Variants in TMCC1 observed in about 807,000 individuals in gnomAD.
TMCC1 encodes the protein transmembrane and coiled-coil domain family 1.
Under a neutral mutation model 52.4 loss-of-function variants are expected in TMCC1, and 15 were observed. The ratio of observed to expected loss-of-function variants is 0.29; its 90% CI spans 0.19 to 0.44. The LOEUF is 0.44. TMCC1 is among the 20% of genes least tolerant of loss of function. TMCC1 has a pLI of 1.00. For synonymous variants in TMCC1, 279 were observed against 301.9 expected (o/e 0.92, Z 0.79); for missense variants, 503 against 806.0 (o/e 0.62, Z 4.55).
chr3:129,688,465 G>A (rs773652180), intron 4 of TMCC1: 20 of 985,342 alleles, frequency 2.0e-5, no homozygotes, highest in Admixed American at 6.2e-5. Flanking sequence ...TGGATCCCTG[G>A]GCTTCTCACC....
intron 5 of TMCC1, among the ~76,000 whole-genome samples, chr3:129,664,826 G>A (rs1434427900): frequency 6.6e-6 from 1 of 152,114 alleles, no homozygotes; most frequent in Non-Finnish European, 1.5e-5. Context: ...CTCACTACAG[G>A]AACAAAACTA....
intron 2 of TMCC1, among the ~76,000 whole-genome samples, chr3:129,867,997 T>C (rs1358970654): frequency 6.6e-6 from 1 of 152,212 alleles, no homozygotes; most frequent in Non-Finnish European, 1.5e-5. Context: ...GTACCCATTC[T>C]TGTACATCAA....
At chr3:129,662,428 A>G (rs904374081) in intron 5 of TMCC1, among the ~76,000 whole-genome samples, 1 of 152,208 alleles carries the variant, frequency 6.6e-6, no homozygotes, top group Non-Finnish European at 1.5e-5. Flanking sequence ...GACAGCTGTA[A>G]TACAATAGTG....
At chr3:129,831,209 C>G (rs1177380977) in intron 3 of TMCC1, among the ~76,000 whole-genome samples, 1 of 152,156 alleles carries the variant, frequency 6.6e-6, no homozygotes, top group Non-Finnish European at 1.5e-5. Context: ...GCTGAGATTA[C>G]AGGTGTGAGC....
chr3:129,805,444 T>G (rs2057409214), intron 4 of TMCC1, among the ~76,000 whole-genome samples: 1 of 152,182 alleles, frequency 6.6e-6, no homozygotes, highest in Non-Finnish European at 1.5e-5. Context: ...ATTACAGGTG[T>G]GAGCCATTGC....
rs192635568 is a variant in TMCC1 at position 129,746,260 on chromosome 3, C to G, written c.577-74996G>C. Among the ~76,000 whole-genome samples, 9 of 152,096 alleles carry G rather than the reference C, an allele frequency of 5.9e-5. No individual in the cohort carries two copies. The East Asian group carries it at 1.7e-3, about 29-fold the overall frequency. ...ATCTCAGCTCACTGCAACCTCCACC[C>G]CCCAGCTTCAAGTGATTCTCCTGCC... On this transcript the variant is annotated intron_variant, in intron 4 of 6. Transcript: ENST00000393238.
At chr3:129,891,868 C>G (rs929375436) in intron 1 of TMCC1, among the ~76,000 whole-genome samples, 1 of 152,180 alleles carries the variant, frequency 6.6e-6, no homozygotes, top group Non-Finnish European at 1.5e-5. Context: ...AGCAGTCTTG[C>G]AGAAAAGGGG....
chr3:129,735,902 G>A (rs1440684967), intron 4 of TMCC1, among the ~76,000 whole-genome samples: 2 of 152,118 alleles, frequency 1.3e-5, no homozygotes, highest in African/African-American at 2.4e-5. Flanking sequence ...TCAAAGCTGC[G>A]AACATGGTAG....
intron 4 of TMCC1, among the ~76,000 whole-genome samples, chr3:129,810,878 G>C: frequency 6.6e-6 from 1 of 152,220 alleles, no homozygotes; most frequent in African/African-American, 2.4e-5. Flanking sequence ...ATGTATAGCT[G>C]TGTCTTGAAC....
At chr3:129,874,682 C>T (rs1432814799) in intron 2 of TMCC1, among the ~76,000 whole-genome samples, 1 of 152,004 alleles carries the variant, frequency 6.6e-6, no homozygotes, top group African/African-American at 2.4e-5. Context: ...CATAGCAAGA[C>T]CCCATCTCTA....
chr3:129,757,043 T>C (rs2053076302), intron 4 of TMCC1, among the ~76,000 whole-genome samples: 1 of 152,232 alleles, frequency 6.6e-6, no homozygotes, highest in Non-Finnish European at 1.5e-5. Flanking sequence ...GTGTGGCTGT[T>C]TGCCATATGG....
chr3:129,827,292 A>G (rs1466960451), intron 4 of TMCC1, among the ~76,000 whole-genome samples: 3 of 152,220 alleles, frequency 2.0e-5, no homozygotes, highest in Non-Finnish European at 2.9e-5. Context: ...TTAATAGTAC[A>G]CTATAATAAT....
chr3:129,741,225 A>C (rs1361681155), intron 4 of TMCC1, among the ~76,000 whole-genome samples: 1 of 152,224 alleles, frequency 6.6e-6, no homozygotes, highest in Non-Finnish European at 1.5e-5. Flanking sequence ...CTTCATCATC[A>C]AAAGGAGGAT....
intron 2 of TMCC1, among the ~76,000 whole-genome samples, chr3:129,837,305 T>C (rs1454630921): frequency 6.6e-6 from 1 of 151,754 alleles, no homozygotes; most frequent in Non-Finnish European, 1.5e-5. Context: ...GTAAAAACAA[T>C]GGAATACACC....
At chr3:129,860,610 T>A (rs913937999) in intron 2 of TMCC1, among the ~76,000 whole-genome samples, 18 of 151,978 alleles carry the variant, frequency 1.2e-4, no homozygotes, top group African/African-American at 4.3e-4. Context: ...TATTATTTTT[T>A]TTTTTTTGAG....
At position 129,871,283 on chromosome 3, in the gene TMCC1, C is replaced by T. The variant is rs146489049; in HGVS notation, c.-184+9026G>A. On this transcript the variant is annotated intron_variant, in intron 2 of 6. Transcript: ENST00000393238. ...GTGAGGCAGGAGAATTGCTTGAACC[C>T]AGGAAGTGGAGGTTGCAGTGAGCAG... Among the ~76,000 whole-genome samples the T allele has an allele frequency of 4.6e-3, 679 of 149,046 alleles. 8 individuals carry two copies. Among genetic ancestry groups the T allele is most frequent in the African/African-American group, 0.016 (646 of 40,232 alleles).
chr3:129,649,106 A>G lies in TMCC1; in HGVS notation c.*2375T>C, dbSNP rs1392891130. The G allele has an allele frequency of 1.3e-5, 2 of 152,202 alleles. No homozygotes were observed. Among genetic ancestry groups the G allele is most frequent in the Non-Finnish European group, 2.9e-5 (2 of 68,042 alleles). 9.4% of individuals were successfully genotyped at this position (152,202 alleles called of 1,614,324 possible). Reference sequence around the variant, plus strand: ...TCCCAGGGCAAATAGGAACAGTTTCAATCCATCTATCAAAGTGACTTCCAG... The same window carrying G: ...TCCCAGGGCAAATAGGAACAGTTTCGATCCATCTATCAAAGTGACTTCCAG... On this transcript the variant is annotated 3_prime_UTR_variant, in exon 7 of 7. Coordinates refer to ENST00000393238, the MANE Select transcript of TMCC1 (RefSeq NM_001017395.5).
At chr3:129,825,738 C>T (rs2058629112) in intron 4 of TMCC1, among the ~76,000 whole-genome samples, 1 of 152,108 alleles carries the variant, frequency 6.6e-6, no homozygotes, top group Non-Finnish European at 1.5e-5. Flanking sequence ...AAAACTATAG[C>T]AATAGAAAGC....
chr3:129,824,758 TTC>T (rs1422725901), intron 4 of TMCC1, among the ~76,000 whole-genome samples: 11 of 152,312 alleles, frequency 7.2e-5, no homozygotes, highest in African/African-American at 2.6e-4. Context: ...CTATAAGACA[TTC>T]TCTTCATAGT....
Sources: gnomAD v4.1 joint callset for allele counts (sites outside exome capture counted in the v4.1 genomes callset) on GRCh38, gnomAD v4.1.1 for gene constraint, MANE v1.5 for transcripts, NCBI Gene and HGNC (gene_info 2026-07-23, HGNC 2026-07-21) for gene names.